NECAB2: variants seen among roughly 807,000 people sequenced by gnomAD.
NECAB2 encodes the protein N-terminal EF-hand calcium-binding protein 2.
A neutral mutation model predicts 51.9 loss-of-function variants in NECAB2; 68 were observed. That is an observed-to-expected ratio of 1.31 (90% CI 1.08 to 1.60). The LOEUF (loss-of-function observed/expected upper bound fraction) is 1.60, where lower values mean the gene tolerates loss of function less well. Among genes scored for constraint, NECAB2 ranks in the 40% most tolerant of loss-of-function variants. The pLI, the probability that NECAB2 is intolerant of heterozygous loss-of-function variation, is 0.00. For missense variants in NECAB2, 854 were observed against 490.3 expected (o/e 1.74, Z -7.00); for synonymous variants, 329 against 203.5 (o/e 1.62, Z -5.25).
Position 83,997,306 on chromosome 16 carries a change from C to G in NECAB2, c.849+37C>G, listed in dbSNP as rs539887944. On this transcript the variant is annotated intron_variant, in intron 9 of 12. Transcript: ENST00000305202. ...TCCCACCTCTCTTCTGGGACCACATCCCTACCCATGCCAGGACTGCCAAGA... is the reference window on the plus strand; with the variant it reads ...TCCCACCTCTCTTCTGGGACCACATGCCTACCCATGCCAGGACTGCCAAGA... The G allele has an allele frequency of 1.1e-5, 18 of 1,613,098 alleles. No individual in the cohort carries two copies. In the East Asian group the frequency reaches 1.6e-4, roughly 14 times the overall value.
At chr16:83,998,381 C>G (rs1455087580) in intron 10 of NECAB2, 64 bp downstream of exon 10, 6 of 1,482,046 alleles carry the variant, frequency 4.0e-6, no homozygotes, top group Non-Finnish European at 4.7e-6. Context: ...AGTGGAGGAA[C>G]AGGGCAGGAC....
chr16:83,998,350 T>G lies in NECAB2; in HGVS notation c.962+33T>G, dbSNP rs560357991. The stretch of plus-strand genomic sequence containing the variant: ...AGCTGCCGAGGCGTGGGTGGGATGG[T>G]GGCAGGGAGCTCTGCCTGGCAGTGG... On this transcript the variant is annotated intron_variant, in intron 10 of 12. Coordinates refer to ENST00000305202, the MANE Select transcript of NECAB2 (RefSeq NM_019065.3). 36 of 1,600,614 alleles carry G rather than the reference T, an allele frequency of 2.2e-5. No individual in the cohort carries two copies. The African/African-American group carries it at 4.1e-4, about 18-fold the overall frequency.
rs559633123 is a variant in NECAB2 at position 83,968,837 on chromosome 16, C to A, written c.189C>A (p.Ala63=). 4 of 1,127,740 alleles carry A rather than the reference C, an allele frequency of 3.5e-6. No individual in the cohort carries two copies. The highest frequency in any genetic ancestry group is 9.4e-5 in the East Asian group (2 of 21,310). The allele number at this position is 1,127,740 out of a possible 1,614,324, so 69.9% of individuals were successfully genotyped here. ...CAGCCTCGCCGCGCGGGGGCACCGC[C>A]GTCATCCTGGACGTGAGTACGCGCC... is the stretch of plus-strand genomic sequence containing the variant. The part of the protein sequence containing the change: ...PGPASPRGGT[A]VILDIFRRAD... The change falls in exon 1 of 13, where the codon GCC becomes GCA. Residue 63 remains alanine, a synonymous_variant. Transcript: ENST00000305202.
upstream of NECAB2, chr16:83,966,340 C>T (rs778365388): frequency 2.0e-4 from 70 of 356,668 alleles, no homozygotes; most frequent in African/African-American, 1.2e-3. Context: ...TGCTCTCATG[C>T]GTCTGAGGAC....
rs148555218 is a variant in NECAB2 at position 84,000,521 on chromosome 16, T to C, written c.963-203T>C. On this transcript the variant is annotated intron_variant, in intron 10 of 12. Coordinates refer to ENST00000305202, the MANE Select transcript of NECAB2 (RefSeq NM_019065.3). ...CACTGCATTGATTCTATTTAATAAA[T>C]AGCTGTTGGCCACTATAAGAAGCCA... Among the ~76,000 whole-genome samples, 163 of 152,274 alleles carry C rather than the reference T, an allele frequency of 1.1e-3. 1 individual carries two copies. The highest frequency in any genetic ancestry group is 7.3e-5 in the Non-Finnish European group (5 of 68,028).
At chr16:83,968,991 G>A (rs917010500) in intron 1 of NECAB2, 142 bp downstream of exon 1, 22 of 391,478 alleles carry the variant, frequency 5.6e-5, no homozygotes, top group Non-Finnish European at 7.7e-5. Context: ...CCGCGTGCCG[G>A]AGCGGGAGCC....
At chr16:83,997,380 C>A (rs189327801) in intron 9 of NECAB2, 111 bp downstream of exon 9, 15 of 1,389,520 alleles carry the variant, frequency 1.1e-5, no homozygotes, top group Non-Finnish European at 1.4e-5. Context: ...TTGGGACCAC[C>A]AGGAGGGGAG....
At chr16:83,991,293 TTC>T (rs1040437286) in intron 6 of NECAB2, among the ~76,000 whole-genome samples, 5 of 151,864 alleles carry the variant, frequency 3.3e-5, no homozygotes, top group East Asian at 1.9e-4. Context: ...TATTTTCTCT[TTC>T]TCTCTCTCTC....
chr16:83,975,393 C>T (rs1434818326), intron 2 of NECAB2, among the ~76,000 whole-genome samples: 5 of 151,902 alleles, frequency 3.3e-5, no homozygotes, highest in Non-Finnish European at 7.4e-5. Context: ...ATGTGGAGGC[C>T]GATAGGCCCA....
chr16:83,992,385 C>CCCT lies in NECAB2; in HGVS notation c.596+1757_596+1758insTCC, dbSNP rs926988959. ...GGGAACACGAGCACCCGTCCCCCCG[C>CCCT]CCACCTCCATTTGCTGTTTCAAATT... is the stretch of plus-strand genomic sequence containing the variant. On this transcript the variant is annotated intron_variant, in intron 6 of 12. Coordinates refer to ENST00000305202, the MANE Select transcript of NECAB2 (RefSeq NM_019065.3). Among the ~76,000 whole-genome samples, 100 of 144,054 alleles carry CCCT rather than the reference C, an allele frequency of 6.9e-4. 1 individual carries two copies. Among genetic ancestry groups the CCCT allele is most frequent in the African/African-American group, 2.7e-3 (99 of 36,196 alleles). 94.5% of individuals were successfully genotyped at this position (144,054 alleles called of 152,430 possible).
In NECAB2 at chr16:83,990,635, GTC is replaced by G. The variant is rs777891278; in HGVS notation, c.596+9_596+10del. On this transcript the variant is annotated splice_donor_region_variant and intron_variant, in intron 6 of 12. Transcript: ENST00000305202. Reference sequence around the variant, plus strand: ...GGAACAGACCAGCCAGCTCCGGTGAGTCTCTGAGACCCTGCAGGGTCCCATGG... The same window carrying G: ...GGAACAGACCAGCCAGCTCCGGTGAGTCTGAGACCCTGCAGGGTCCCATGG... 7 of 1,613,882 alleles carry G rather than the reference GTC, an allele frequency of 4.3e-6. No homozygotes were observed. Among genetic ancestry groups the G allele is most frequent in the East Asian group, 2.2e-5 (1 of 44,854 alleles).
chr16:84,002,317 G>T lies in NECAB2; in HGVS notation c.1133-1G>T. 1 of 1,613,890 alleles carries T rather than the reference G, an allele frequency of 6.2e-7. No individual in the cohort carries two copies. Among genetic ancestry groups the T allele is most frequent in the Non-Finnish European group, 8.5e-7 (1 of 1,179,890 alleles). On this transcript the variant is annotated splice_acceptor_variant, in intron 12 of 12. Transcript: ENST00000305202. LOFTEE classifies it high-confidence loss of function. ...CCTCTAACGTGTCTCTCTCCTTTTA[G>T]CTGCTTGGTGCACGGTGGGACGGGA... is the stretch of plus-strand genomic sequence containing the variant.
intron 11 of NECAB2, 97 bp downstream of exon 11, chr16:84,000,898 C>T (rs535148920): frequency 2.3e-4 from 275 of 1,216,134 alleles, no homozygotes; most frequent in East Asian, 1.3e-3. Flanking sequence ...AGGGTAAGGC[C>T]GAGTCCAGTC....
In NECAB2 at chr16:83,978,675, G is replaced by C. The variant is rs968363800; in HGVS notation, c.335+123G>C. The C allele has an allele frequency of 7.9e-5, 64 of 810,064 alleles. No homozygotes were observed. In the African/African-American group the frequency reaches 1.0e-3, roughly 13 times the overall value. 50.2% of individuals were successfully genotyped at this position (810,064 alleles called of 1,614,324 possible). A position where few individuals can be genotyped will look rare whatever the true frequency, so the allele number is the denominator to read the frequency against. ...AGGAGAACTGAAAATCCCCAAATTT[G>C]CTAATCCAGAAGTCAGCTCTTCACT... On this transcript the variant is annotated intron_variant, in intron 3 of 12. Coordinates refer to ENST00000305202, the MANE Select transcript of NECAB2 (RefSeq NM_019065.3).
upstream of NECAB2, among the ~76,000 whole-genome samples, chr16:83,968,180 G>T (rs2084309346): frequency 1.3e-5 from 2 of 151,492 alleles, no homozygotes; most frequent in Non-Finnish European, 3.0e-5. Flanking sequence ...GGGCGTGGGC[G>T]CCGCTCCCCG....
chr16:83,974,942 G>GGA (rs1386864337), intron 2 of NECAB2, among the ~76,000 whole-genome samples: 1 of 143,982 alleles, frequency 6.9e-6, no homozygotes, highest in African/African-American at 2.9e-5. Flanking sequence ...AGGTGTGCAG[G>GGA]GAGGTGTGGG....
intron 5 of NECAB2, among the ~76,000 whole-genome samples, chr16:83,989,665 C>T (rs1307513722): frequency 6.6e-6 from 1 of 152,146 alleles, no homozygotes; most frequent in South Asian, 2.1e-4. Context: ...CCTTGAGCGA[C>T]GTGGGTAAGC....
chr16:83,977,585 C>A (rs2084428864), intron 2 of NECAB2, among the ~76,000 whole-genome samples: 1 of 152,060 alleles, frequency 6.6e-6, no homozygotes, highest in Non-Finnish European at 1.5e-5. Flanking sequence ...AGAGCCCCTC[C>A]ACAGAGGAGC....
chr16:83,986,365 G>A (rs2084555308), intron 5 of NECAB2, among the ~76,000 whole-genome samples: 1 of 152,184 alleles, frequency 6.6e-6, no homozygotes, highest in Non-Finnish European at 1.5e-5. Flanking sequence ...TACTGGAACT[G>A]GCTCAAAGGA....
Sources: gnomAD v4.1 joint callset for allele counts (sites outside exome capture counted in the v4.1 genomes callset) on GRCh38, gnomAD v4.1.1 for gene constraint, MANE v1.5 for transcripts, NCBI Gene and HGNC (gene_info 2026-07-23, HGNC 2026-07-21) for gene names.